THOC1: variants seen among roughly 807,000 people sequenced by gnomAD.
THOC1 encodes THO complex 1.
In THOC1, 29 loss-of-function variants were observed where a neutral mutation model predicts 97.3. The ratio of observed to expected loss-of-function variants is 0.30; its 90% CI spans 0.22 to 0.41. The LOEUF (loss-of-function observed/expected upper bound fraction) is 0.41. THOC1 is among the 10% of genes least tolerant of loss of function. THOC1 has a pLI of 1.00. For missense variants in THOC1, 529 were observed against 761.9 expected, an observed-to-expected ratio of 0.69 and a Z score of 3.60; for synonymous variants, 255 against 257.0, an observed-to-expected ratio of 0.99 and a Z score of 0.07.
intron 8 of THOC1, 85 bp from the exon 9 acceptor site, chr18:252,697 C>T (rs1026844841): frequency 2.8e-6 from 3 of 1,080,170 alleles, no homozygotes; most frequent in African/African-American, 1.6e-5. Context: ...GTCAGTTACA[C>T]ATTCCTAGGC....
intron 11 of THOC1, among the ~76,000 whole-genome samples, chr18:232,420 T>C (rs921555571): frequency 3.3e-5 from 5 of 152,012 alleles, no homozygotes; most frequent in Admixed American, 2.0e-4. Context: ...AAATAGATGA[T>C]AGGCCAGATT....
intron 11 of THOC1, among the ~76,000 whole-genome samples, chr18:234,965 ATTAT>A (rs894412193): frequency 6.6e-6 from 1 of 152,168 alleles, no homozygotes; most frequent in Admixed American, 6.5e-5. Context: ...TATGGTAGAA[ATTAT>A]TTATTCTTTG....
chr18:242,943 C>T lies in THOC1; in HGVS notation c.918+3381G>A, dbSNP rs886360819. Among the ~76,000 whole-genome samples, 10 of 151,986 alleles carry T rather than the reference C, an allele frequency of 6.6e-5. No individual in the cohort carries two copies. The highest frequency in any genetic ancestry group is 2.4e-4 in the African/African-American group (10 of 41,380). On this transcript the variant is annotated intron_variant, in intron 11 of 20. Coordinates refer to ENST00000261600, the MANE Select transcript of THOC1 (RefSeq NM_005131.3). This position sits in a 1 kb window ranked among gnomAD's most constrained non-coding sequence, Gnocchi z 4.5. ...AATGTTGCATATTTTCCATGATACACGTAATGCATTACAAATATTTTCACT... is the reference window on the plus strand; with the variant it reads ...AATGTTGCATATTTTCCATGATACATGTAATGCATTACAAATATTTTCACT...
At chr18:243,270 A>C (rs1022142267) in intron 11 of THOC1, among the ~76,000 whole-genome samples, 1 of 152,246 alleles carries the variant, frequency 6.6e-6, no homozygotes, top group African/African-American at 2.4e-5. Flanking sequence ...GTTCACAAAG[A>C]ATCAGAAAAG....
intron 18 of THOC1, among the ~76,000 whole-genome samples, chr18:216,977 C>T (rs767258130): frequency 6.6e-6 from 1 of 152,144 alleles, no homozygotes; most frequent in African/African-American, 2.4e-5. Context: ...CAGGAATCAT[C>T]CATCTAGCTA....
chr18:219,946 T>G (rs538686779), intron 17 of THOC1, among the ~76,000 whole-genome samples: 1 of 152,348 alleles, frequency 6.6e-6, no homozygotes, highest in East Asian at 1.9e-4. Flanking sequence ...CTTGAATTTG[T>G]TTTTAGAAAT....
At chr18:234,549 TTTTTG>T (rs1396373510) in intron 11 of THOC1, among the ~76,000 whole-genome samples, 7 of 152,156 alleles carry the variant, frequency 4.6e-5, no homozygotes, top group African/African-American at 4.8e-5. Flanking sequence ...ATCTGTTTTT[TTTTTG>T]TTTTGTTTTT....
At chr18:236,310 T>TA (rs1311324110) in intron 11 of THOC1, among the ~76,000 whole-genome samples, 1 of 151,820 alleles carries the variant, frequency 6.6e-6, no homozygotes, top group Non-Finnish European at 1.5e-5. Context: ...ATCATGGAAT[T>TA]ACAGAACTCA....
intron 11 of THOC1, among the ~76,000 whole-genome samples, chr18:233,267 T>C (rs931694232): frequency 6.6e-6 from 1 of 152,240 alleles, no homozygotes; most frequent in Admixed American, 6.5e-5. Flanking sequence ...TTTTTCCATA[T>C]GGATAATGAA....
At chr18:225,278 C>A in intron 13 of THOC1, 59 bp downstream of exon 13, 2 of 1,593,280 alleles carry the variant, frequency 1.3e-6, no homozygotes, top group Non-Finnish European at 8.6e-7. Flanking sequence ...GGGGCTGAAA[C>A]AAAGAAAATC....
chr18:238,064 C>T (rs1440638514), intron 11 of THOC1, among the ~76,000 whole-genome samples: 3 of 152,072 alleles, frequency 2.0e-5, no homozygotes, highest in South Asian at 4.2e-4. Context: ...GGGGTTTCAC[C>T]ATGTTGGCCA....
At chr18:224,232 A>C (rs1430533463) in intron 15 of THOC1, 53 bp from the exon 16 acceptor site, 1 of 1,278,550 alleles carries the variant, frequency 7.8e-7, no homozygotes, top group East Asian at 2.4e-5. Flanking sequence ...GATAACAGAA[A>C]TAGAAGAATG....
intron 11 of THOC1, among the ~76,000 whole-genome samples, chr18:232,736 T>G (rs910617668): frequency 6.6e-6 from 1 of 152,080 alleles, no homozygotes; most frequent in Non-Finnish European, 1.5e-5. Context: ...TTTTCCCACA[T>G]CTCTGCCAAT....
At chr18:257,905 G>T (rs1014445137) in intron 7 of THOC1, among the ~76,000 whole-genome samples, 5 of 152,054 alleles carry the variant, frequency 3.3e-5, no homozygotes, top group Admixed American at 2.0e-4. Flanking sequence ...ATGTTTAATT[G>T]AAGTTCCAGA....
chr18:228,736 T>G (rs750098522), intron 11 of THOC1, among the ~76,000 whole-genome samples: 3 of 152,176 alleles, frequency 2.0e-5, no homozygotes, highest in Non-Finnish European at 4.4e-5. Context: ...TTAGTCACCT[T>G]CTCTATACCA....
intron 17 of THOC1, among the ~76,000 whole-genome samples, chr18:221,525 C>T (rs1001825828): frequency 6.6e-6 from 1 of 151,104 alleles, no homozygotes; most frequent in Non-Finnish European, 1.5e-5. Flanking sequence ...TTAAAAATTA[C>T]GTCTTTTAAA....
chr18:249,606 G>A (rs8084647), intron 9 of THOC1, among the ~76,000 whole-genome samples: 30,487 of 151,210 alleles, frequency 0.2, 3,622 homozygotes, highest in South Asian at 0.37. Flanking sequence ...AGCTTGCAGT[G>A]AGCCGAGATC....
chr18:260,807 GA>G (rs1336815837), intron 4 of THOC1: 1 of 152,096 alleles, frequency 6.6e-6, no homozygotes, highest in Non-Finnish European at 1.5e-5. Context: ...TGGTTATAAC[GA>G]CTATAATAAC....
intron 11 of THOC1, among the ~76,000 whole-genome samples, chr18:243,388 C>A (rs941115314): frequency 6.6e-6 from 1 of 152,088 alleles, no homozygotes; most frequent in African/African-American, 2.4e-5. Context: ...TTTAATCCTG[C>A]TGTTTTTCAT....
Sources: gnomAD v4.1 joint callset for allele counts (sites outside exome capture counted in the v4.1 genomes callset) on GRCh38, gnomAD v4.1.1 for gene constraint, Gnocchi (gnomAD v3.1) non-coding constraint, MANE v1.5 for transcripts, NCBI Gene and HGNC (gene_info 2026-07-23, HGNC 2026-07-21) for gene names.